RALGAPA1: variants seen among roughly 807,000 people sequenced by gnomAD.
The protein encoded by RALGAPA1 is Ral GTPase activating protein catalytic subunit alpha 1, also known as ral GTPase-activating protein subunit alpha-1.
RALGAPA1 carries 52 observed loss-of-function variants against 269.6 expected under a neutral mutation model. The observed-to-expected ratio is 0.19, with a 90% CI of 0.15 to 0.24. The LOEUF (loss-of-function observed/expected upper bound fraction) is 0.24. RALGAPA1 is among the 10% of genes least tolerant of loss of function. The pLI is 1.00. For synonymous variants in RALGAPA1, 817 were observed against 1,008.3 expected (o/e 0.81, Z 3.60); for missense variants, 1,917 against 3,013.9 (o/e 0.64, Z 8.52).
At chr14:35,723,804 A>G (rs1173323364) in intron 14 of RALGAPA1, 1 of 152,202 alleles carries the variant, frequency 6.6e-6, no homozygotes, top group East Asian at 1.9e-4. Flanking sequence ...ATTCTGTAAT[A>G]AATCTGATCA....
intron 31 of RALGAPA1, among the ~76,000 whole-genome samples, chr14:35,645,030 T>C (rs2062301202): frequency 6.6e-6 from 1 of 152,198 alleles, no homozygotes; most frequent in African/African-American, 2.4e-5. Context: ...CTGGGTGGCT[T>C]AAACAAGAGA....
intron 16 of RALGAPA1, among the ~76,000 whole-genome samples, chr14:35,719,699 G>T (rs897719769): frequency 6.6e-6 from 1 of 152,038 alleles, no homozygotes. Flanking sequence ...TTTAAAAAAA[G>T]ATTTGATTTA....
intron 1 of RALGAPA1, among the ~76,000 whole-genome samples, chr14:35,782,393 T>A (rs1359950679): frequency 6.6e-6 from 1 of 152,172 alleles, no homozygotes; most frequent in East Asian, 1.9e-4. Context: ...AGCCCCCAAA[T>A]ATACCTAAAG....
In RALGAPA1 at chr14:35,725,041, C is replaced by T. The variant is rs1430686713; in HGVS notation, c.1849G>A (p.Ala617Thr). The T allele has an allele frequency of 6.3e-7, 1 of 1,596,596 alleles. No homozygotes were observed. Among genetic ancestry groups the T allele is most frequent in the African/African-American group, 1.3e-5 (1 of 74,090 alleles). The change falls in exon 14 of 42, where the codon GCA (alanine) becomes ACA (threonine). Residue 617 changes from alanine (A) to threonine (T), a missense_variant. Ala to Thr is a moderately conservative substitution (Grantham distance 58, BLOSUM62 0). Transcript: ENST00000680220. The part of the protein sequence containing the change: ...KKNMTLAGRL[A>T]GPLFQTLIVA... Reference sequence around the variant, plus strand: ...TTTATTGCCTGGAAAAGTGGTCCTGCAAGTCGACCTGCCAAGGTCATATTT... The same window carrying T: ...TTTATTGCCTGGAAAAGTGGTCCTGTAAGTCGACCTGCCAAGGTCATATTT...
chr14:35,747,817 A>G (rs1567146227), intron 10 of RALGAPA1, among the ~76,000 whole-genome samples: 1 of 152,090 alleles, frequency 6.6e-6, no homozygotes, highest in African/African-American at 2.4e-5. Context: ...TCTTCCACAA[A>G]ATTTCTACAT....
chr14:35,738,412 G>A (rs909561251), intron 12 of RALGAPA1, 101 bp downstream of exon 12: 1 of 746,054 alleles, frequency 1.3e-6, no homozygotes, highest in Non-Finnish European at 1.9e-6. Flanking sequence ...AATATAGGTG[G>A]TGAATTTATT....
chr14:35,706,197 A>G (rs2067787675), intron 16 of RALGAPA1, among the ~76,000 whole-genome samples: 1 of 152,236 alleles, frequency 6.6e-6, no homozygotes, highest in Non-Finnish European at 1.5e-5. Flanking sequence ...GTATTGTATT[A>G]TAAAACTCAT....
At chr14:35,558,687 T>C (rs1473791822) in intron 39 of RALGAPA1, among the ~76,000 whole-genome samples, 1 of 152,202 alleles carries the variant, frequency 6.6e-6, no homozygotes, top group African/African-American at 2.4e-5. Context: ...GCTTCTTCTC[T>C]TTTCTGAACA....
chr14:35,561,505 A>AG (rs1186771970), intron 39 of RALGAPA1, among the ~76,000 whole-genome samples: 1 of 106,736 alleles, frequency 9.4e-6, no homozygotes, highest in African/African-American at 3.6e-5. Flanking sequence ...TTAATATAGG[A>AG]GTTTTTTTTT....
chr14:35,684,911 A>T lies in RALGAPA1; in HGVS notation c.4294+18T>A. The T allele has an allele frequency of 6.2e-7, 1 of 1,608,366 alleles. No individual in the cohort carries two copies. The highest frequency in any genetic ancestry group is 8.5e-7 in the Non-Finnish European group (1 of 1,177,756). On this transcript the variant is annotated intron_variant, in intron 20 of 41. Transcript: ENST00000680220. ...CAATCAACATAAAACATAGTATTCA[A>T]ATAGAAAAGATACTTGCTGTCAAAT...
At chr14:35,766,424 T>C (rs1166422231) in intron 4 of RALGAPA1, 1 of 1,574,740 alleles carries the variant, frequency 6.4e-7, no homozygotes, top group African/African-American at 1.4e-5. Flanking sequence ...TACAGTCTCT[T>C]TGGTCCAAAG....
intron 33 of RALGAPA1, among the ~76,000 whole-genome samples, chr14:35,632,255 C>T (rs2061403808): frequency 6.6e-6 from 1 of 152,104 alleles, no homozygotes; most frequent in South Asian, 2.1e-4. Flanking sequence ...ACATGAAATT[C>T]TCTAGTTTAG....
chr14:35,570,819 T>G, intron 38 of RALGAPA1, 75 bp from the exon 39 acceptor site: 1 of 1,375,380 alleles, frequency 7.3e-7, no homozygotes, highest in African/African-American at 1.5e-5. Context: ...CAAGACACTT[T>G]GCATCCAAAA....
intron 16 of RALGAPA1, chr14:35,706,660 C>T (rs2067840671): frequency 7.0e-6 from 1 of 143,066 alleles, no homozygotes; most frequent in South Asian, 2.2e-4. Context: ...CTGTGTTACC[C>T]AGGCTAGAGA....
chr14:35,671,398 A>G lies in RALGAPA1; in HGVS notation c.5193T>C (p.Ala1731=), dbSNP rs747250389. 1 of 1,609,038 alleles carries G rather than the reference A, an allele frequency of 6.2e-7. No homozygotes were observed. Among genetic ancestry groups the G allele is most frequent in the Non-Finnish European group, 8.5e-7 (1 of 1,178,086 alleles). ...IVAAGRVASS[A]FLNAPRVEAQ... is the part of the protein sequence containing the mutation. ...ACAGGAAATGACTTACATTGAGAAA[A>G]GCTGAAGAAGCCACTCTACCAGCTG... The change falls in exon 26 of 42, where the codon GCT becomes GCC. Residue 1731 remains alanine (A), a synonymous_variant. Coordinates refer to ENST00000680220, the MANE Select transcript of RALGAPA1 (RefSeq NM_001346249.2).
chr14:35,714,205 CGA>C (rs1302922172), intron 16 of RALGAPA1, among the ~76,000 whole-genome samples: 8 of 151,996 alleles, frequency 5.3e-5, no homozygotes, highest in Non-Finnish European at 1.0e-4. Context: ...GAACTGATTT[CGA>C]GAGTGTTTTT....
intron 1 of RALGAPA1, among the ~76,000 whole-genome samples, chr14:35,788,247 A>G (rs1258813886): frequency 6.6e-6 from 1 of 152,138 alleles, no homozygotes; most frequent in Non-Finnish European, 1.5e-5. Flanking sequence ...CTAGGATTAC[A>G]AGCTTCAGCC....
chr14:35,794,820 T>A (rs2076443820), intron 1 of RALGAPA1, among the ~76,000 whole-genome samples: 1 of 152,240 alleles, frequency 6.6e-6, no homozygotes, highest in East Asian at 1.9e-4. Flanking sequence ...TATTGCCATT[T>A]ATACCTACTG....
intron 31 of RALGAPA1, among the ~76,000 whole-genome samples, chr14:35,636,620 A>G (rs2061678302): frequency 6.6e-6 from 1 of 152,312 alleles, no homozygotes; most frequent in Non-Finnish European, 1.5e-5. Context: ...TCCTGGGTTC[A>G]AGTGATTCTT....
Sources: allele counts gnomAD v4.1 joint callset (sites outside exome capture counted in the v4.1 genomes callset), GRCh38; gene constraint gnomAD v4.1.1; transcripts MANE v1.5; gene names NCBI Gene and HGNC (gene_info 2026-07-23, HGNC 2026-07-21).